Variants in FBXW11 observed in about 807,000 individuals in gnomAD.
FBXW11 encodes F-box and WD repeat domain containing 11, also known as F-box/WD repeat-containing protein 11.
Under a neutral mutation model 77.6 loss-of-function variants are expected in FBXW11, and 19 were observed. That is an observed-to-expected ratio of 0.24 (90% CI 0.17 to 0.36). FBXW11 has a LOEUF of 0.36. Ranked by LOEUF, FBXW11 falls within the 10% of genes least tolerant of loss-of-function variation. The pLI, the probability that FBXW11 is intolerant of heterozygous loss-of-function variation, is 1.00. For missense variants in FBXW11, 334 were observed against 704.2 expected (o/e 0.47, Z 5.95); for synonymous variants, 235 against 249.4 (o/e 0.94, Z 0.54).
chr5:171,977,851 C>T (rs1321071952), intron 1 of FBXW11: 6 of 228,148 alleles, frequency 2.6e-5, no homozygotes, highest in Non-Finnish European at 2.7e-5. Context: ...CACGGGGTCC[C>T]TCCCACAACA....
chr5:171,867,346 G>A (rs767820337), intron 13 of FBXW11, among the ~76,000 whole-genome samples: 11 of 151,894 alleles, frequency 7.2e-5, no homozygotes, highest in Non-Finnish European at 1.6e-4. Context: ...GTTTATTTAT[G>A]AACACTGCAA....
chr5:171,946,509 C>A (rs1213964169), intron 2 of FBXW11, among the ~76,000 whole-genome samples: 2 of 152,186 alleles, frequency 1.3e-5, no homozygotes, highest in African/African-American at 2.4e-5. Flanking sequence ...GATTTCATCT[C>A]CTACTACTTT....
intron 8 of FBXW11, among the ~76,000 whole-genome samples, chr5:171,877,673 G>C (rs1024315264): frequency 2.0e-5 from 3 of 152,004 alleles, no homozygotes; most frequent in African/African-American, 7.2e-5. Flanking sequence ...CTTCCAGCAG[G>C]GGTGGCGAAA....
At chr5:171,945,888 G>A (rs1006011221) in intron 2 of FBXW11, among the ~76,000 whole-genome samples, 1 of 152,072 alleles carries the variant, frequency 6.6e-6, no homozygotes, top group Non-Finnish European at 1.5e-5. Context: ...CCAAAGTGTG[G>A]CCTCCTTCCA....
chr5:171,905,783 C>A (rs1459826667), intron 4 of FBXW11, among the ~76,000 whole-genome samples: 1 of 152,090 alleles, frequency 6.6e-6, no homozygotes, highest in East Asian at 1.9e-4. Flanking sequence ...TTTGCCTGGG[C>A]TAAAAAGTGC....
At chr5:171,882,491 G>A (rs1036671094) in intron 7 of FBXW11, among the ~76,000 whole-genome samples, 5 of 151,954 alleles carry the variant, frequency 3.3e-5, no homozygotes, top group African/African-American at 1.2e-4. Flanking sequence ...TTTTTGTAGA[G>A]ACAGGGTCTC....
chr5:171,994,799 A>G (rs1765938914), intron 1 of FBXW11, among the ~76,000 whole-genome samples: 1 of 152,154 alleles, frequency 6.6e-6, no homozygotes, highest in African/African-American at 2.4e-5. Context: ...ACACTTCAGG[A>G]GGCCGAGTCA....
chr5:171,939,923 C>A (rs779172991), intron 2 of FBXW11, among the ~76,000 whole-genome samples: 24 of 152,032 alleles, frequency 1.6e-4, no homozygotes, highest in Non-Finnish European at 2.9e-4. Context: ...TTGCATGTAA[C>A]CTAAGCACAT....
In FBXW11 at chr5:171,958,669, C is replaced by T. The variant is rs114668543; in HGVS notation, c.46-971G>A. Among the ~76,000 whole-genome samples the T allele has an allele frequency of 1.6e-3, 237 of 152,304 alleles. 3 individuals are homozygous for T. Among genetic ancestry groups the T allele is most frequent in the South Asian group, 0.011 (52 of 4,822 alleles). On this transcript the variant is annotated intron_variant, in intron 1 of 13. Coordinates refer to ENST00000517395, the MANE Select transcript of FBXW11 (RefSeq NM_001378974.1). The stretch of plus-strand genomic sequence containing the variant: ...AAATATAAAATGAACATATGTACTA[C>T]GGCTACTACTTAATAACCATTAGAC...
At chr5:171,932,382 T>C (rs1762255187) in intron 2 of FBXW11, among the ~76,000 whole-genome samples, 2 of 152,198 alleles carry the variant, frequency 1.3e-5, no homozygotes, top group Non-Finnish European at 2.9e-5. Flanking sequence ...AAATCCAAAA[T>C]GCAAACACCA....
At position 171,863,838 on chromosome 5, in the gene FBXW11, T is replaced by C. The variant is rs904147072; in HGVS notation, c.*289A>G. The C allele has an allele frequency of 1.4e-4, 22 of 152,646 alleles. No homozygotes were observed. The highest frequency in any genetic ancestry group is 4.6e-4 in the African/African-American group (19 of 41,466). 9.5% of individuals were successfully genotyped at this position (152,646 alleles called of 1,614,324 possible). On this transcript the variant is annotated 3_prime_UTR_variant, in exon 14 of 14. Transcript: ENST00000517395. ...AAACAGATTCTATGTTCCTTTTCTATGAACAATTTACATTTGAAACATTAG... is the reference window on the plus strand; with the variant it reads ...AAACAGATTCTATGTTCCTTTTCTACGAACAATTTACATTTGAAACATTAG...
At chr5:171,974,868 C>T (rs187506425) in intron 1 of FBXW11, among the ~76,000 whole-genome samples, 1 of 152,324 alleles carries the variant, frequency 6.6e-6, no homozygotes, top group Non-Finnish European at 1.5e-5. Flanking sequence ...TTTCTCGGCT[C>T]ACTGCAACCT....
rs1027928289 is a variant in FBXW11 at position 172,006,595 on chromosome 5, G to A, written c.-93C>T. ...GGCGGAGGCGGCAGAGGCGGAGGCG[G>A]CTATCGCACCCACTCTAGCTGCCAG... On this transcript the variant is annotated 5_prime_UTR_variant, in exon 1 of 14. Coordinates refer to ENST00000517395, the MANE Select transcript of FBXW11 (RefSeq NM_001378974.1). 3.6e-6 allele frequency: 5 copies of A among 1,389,086 alleles called. No homozygotes were observed. The highest frequency in any genetic ancestry group is 3.0e-5 in the African/African-American group (2 of 66,120). The allele number at this position is 1,389,086 out of a possible 1,614,324, so 86.0% of individuals were successfully genotyped here. A position where few individuals can be genotyped will look rare whatever the true frequency, so the allele number is the denominator to read the frequency against.
Position 171,991,132 on chromosome 5 carries a change from G to A in FBXW11, c.45+15326C>T, listed in dbSNP as rs373297344. ...TGAGCCATGGCACCCAGCCCCTTTT[G>A]TACCTTAATTTTGTATCACAGATAT... is the stretch of plus-strand genomic sequence containing the variant. On this transcript the variant is annotated intron_variant, in intron 1 of 13. Transcript: ENST00000517395. Among the ~76,000 whole-genome samples, 32 of 151,972 alleles carry A rather than the reference G, an allele frequency of 2.1e-4. No homozygotes were observed. In the South Asian group the frequency reaches 6.4e-3, roughly 31 times the overall value.
At position 171,967,907 on chromosome 5, in the gene FBXW11, CACACACACACACAT is replaced by C. The variant is rs1396146134; in HGVS notation, c.46-10223_46-10210del. ...ATACACACACACACACACACACACA[CACACACACACACAT>C]ATAAATCTGGAATTAAACACAGGTG... On this transcript the variant is annotated intron_variant, in intron 1 of 13. Coordinates refer to ENST00000517395, the MANE Select transcript of FBXW11 (RefSeq NM_001378974.1). Among the ~76,000 whole-genome samples, 26 of 149,522 alleles carry C rather than the reference CACACACACACACAT, an allele frequency of 1.7e-4. 1 individual carries two copies. The highest frequency in any genetic ancestry group is 6.0e-4 in the African/African-American group (24 of 39,800).
chr5:171,939,025 G>C (rs1762614120), intron 2 of FBXW11, among the ~76,000 whole-genome samples: 1 of 151,218 alleles, frequency 6.6e-6, no homozygotes, highest in Admixed American at 6.6e-5. Flanking sequence ...CACGAGGTCA[G>C]GAGTTTAAGA....
chr5:171,943,295 G>A (rs954213035), intron 2 of FBXW11, among the ~76,000 whole-genome samples: 1 of 152,168 alleles, frequency 6.6e-6, no homozygotes, highest in Non-Finnish European at 1.5e-5. Context: ...ATATAAGAGT[G>A]ATTCTGTTTT....
intron 2 of FBXW11, 46 bp downstream of exon 2, chr5:171,957,551 A>G: frequency 6.7e-7 from 1 of 1,481,780 alleles, no homozygotes; most frequent in Non-Finnish European, 9.4e-7. Context: ...ACAAATGTTC[A>G]TGGCATACGT....
At chr5:171,870,968 C>T (rs1757718618) in intron 10 of FBXW11, 110 bp from the exon 11 acceptor site, 1 of 677,010 alleles carries the variant, frequency 1.5e-6, no homozygotes, top group South Asian at 1.9e-5. Context: ...TATCTTGGAG[C>T]TCTTTATTTC....
Sources: gnomAD v4.1 joint callset for allele counts (sites outside exome capture counted in the v4.1 genomes callset) on GRCh38, gnomAD v4.1.1 for gene constraint, MANE v1.5 for transcripts, NCBI Gene and HGNC (gene_info 2026-07-23, HGNC 2026-07-21) for gene names.